CACNA1C: variants seen among roughly 807,000 people sequenced by gnomAD.
The protein encoded by CACNA1C is voltage-dependent L-type calcium channel subunit alpha-1C.
In CACNA1C, 30 loss-of-function variants were observed where a neutral mutation model predicts 229.0. That is an observed-to-expected ratio of 0.13 (90% CI 0.10 to 0.18). The LOEUF (loss-of-function observed/expected upper bound fraction) is 0.18, where lower values mean the gene tolerates loss of function less well. CACNA1C is among the 10% of genes least tolerant of loss of function. CACNA1C has a pLI of 1.00. For missense variants in CACNA1C, 1,658 were observed against 2,845.0 expected (o/e 0.58, Z 9.49); for synonymous variants, 1,114 against 1,132.5 (o/e 0.98, Z 0.33).
intron 4 of CACNA1C, among the ~76,000 whole-genome samples, chr12:2,450,485 C>G (rs1007413780): frequency 7.9e-6 from 1 of 126,178 alleles, no homozygotes; most frequent in Admixed American, 9.9e-5. Context: ...ACCCGGGAGG[C>G]GGAGCTTACA....
chr12:2,081,201 T>C lies in CACNA1C; in HGVS notation c.49+27590T>C, dbSNP rs182988866. Among the ~76,000 whole-genome samples, 5 of 152,310 alleles carry C rather than the reference T, an allele frequency of 3.3e-5. No individual in the cohort carries two copies. The East Asian group carries it at 9.6e-4, about 29-fold the overall frequency. On this transcript the variant is annotated intron_variant, in intron 1 of 46. Transcript: ENST00000399655. Reference sequence around the variant, plus strand: ...CAGACGCCAGAAGACAATGAAATAATATCTTCAAAGTGCTCAGTGAATATC... The same window carrying C: ...CAGACGCCAGAAGACAATGAAATAACATCTTCAAAGTGCTCAGTGAATATC...
At chr12:2,543,234 A>G (rs1043973324) in intron 9 of CACNA1C, among the ~76,000 whole-genome samples, 5 of 152,182 alleles carry the variant, frequency 3.3e-5, no homozygotes, top group Non-Finnish European at 7.3e-5. Context: ...AATAAAGCAT[A>G]TTGTGCCTTA....
Position 2,410,289 on chromosome 12 carries a change from C to G in CACNA1C, c.478-38687C>G, listed in dbSNP as rs2098792655. On this transcript the variant is annotated intron_variant, in intron 3 of 46. Transcript: ENST00000399655. This position sits in a 1 kb window ranked among gnomAD's most constrained non-coding sequence, Gnocchi z 5.3. Reference sequence around the variant, plus strand: ...GGCACCGTTTTAGCAGCCCCACCACCCATTTTTGGAAACACAACCCTGGCC... The same window carrying G: ...GGCACCGTTTTAGCAGCCCCACCACGCATTTTTGGAAACACAACCCTGGCC... 6.6e-6 allele frequency among the ~76,000 whole-genome samples: 1 copy of G among 152,182 alleles called. No individual in the cohort carries two copies. Among genetic ancestry groups the G allele is most frequent in the Admixed American group, 6.5e-5 (1 of 15,288 alleles).
intron 3 of CACNA1C, among the ~76,000 whole-genome samples, chr12:2,330,158 C>T (rs747637268): frequency 2.0e-5 from 3 of 152,136 alleles, no homozygotes; most frequent in Non-Finnish European, 2.9e-5. Flanking sequence ...TGCATCCTCC[C>T]GCCCTCTCAC....
At chr12:1,990,103 C>A (rs772890500) in intron 1 of CACNA1C, among the ~76,000 whole-genome samples, 1 of 152,198 alleles carries the variant, frequency 6.6e-6, no homozygotes, top group East Asian at 1.9e-4. Context: ...TTTCTTGGTT[C>A]AAGTGGTGTT....
At chr12:2,341,777 G>A (rs2096872018) in intron 3 of CACNA1C, among the ~76,000 whole-genome samples, 1 of 152,212 alleles carries the variant, frequency 6.6e-6, no homozygotes, top group Non-Finnish European at 1.5e-5. Flanking sequence ...GTAACTGACT[G>A]GTTGATAAGG....
At chr12:2,081,418 A>G (rs1236196910) in intron 1 of CACNA1C, among the ~76,000 whole-genome samples, 2 of 152,132 alleles carry the variant, frequency 1.3e-5, no homozygotes, top group Non-Finnish European at 2.9e-5. Context: ...AAAAATACAA[A>G]AAATTAGCCG....
chr12:2,023,865 C>T (rs1425557711), intron 1 of CACNA1C, among the ~76,000 whole-genome samples: 1 of 152,208 alleles, frequency 6.6e-6, no homozygotes, highest in Non-Finnish European at 1.5e-5. Context: ...TGTTTTGCTG[C>T]TTAATAGACT....
chr12:2,619,350 C>A (rs553219777), intron 29 of CACNA1C, among the ~76,000 whole-genome samples: 1 of 152,336 alleles, frequency 6.6e-6, no homozygotes, highest in South Asian at 2.1e-4. Flanking sequence ...GGGGAGTTTG[C>A]GCCCAGCCCT....
chr12:2,435,788 G>C (rs2099128716), intron 3 of CACNA1C, among the ~76,000 whole-genome samples: 1 of 152,210 alleles, frequency 6.6e-6, no homozygotes, highest in African/African-American at 2.4e-5. Context: ...GGATAGCACA[G>C]GAAAATCTGC....
intron 3 of CACNA1C, chr12:2,288,081 A>C (rs986773846): frequency 6.6e-6 from 1 of 151,918 alleles, no homozygotes; most frequent in Non-Finnish European, 1.5e-5. Flanking sequence ...CAACTGAATC[A>C]TCAAAGGGAA....
At chr12:2,508,294 G>A (rs55824460) in intron 8 of CACNA1C, among the ~76,000 whole-genome samples, 6,839 of 152,288 alleles carry the variant, frequency 0.045, 168 homozygotes, top group South Asian at 0.097. Context: ...AAGATTGAAC[G>A]GTGCTTGGTG....
rs113124594 is a variant in CACNA1C, at chr12:2,348,255, C to T, written c.478-100721C>T. Among the ~76,000 whole-genome samples, 3 of 152,202 alleles carry T rather than the reference C, an allele frequency of 2.0e-5. No individual in the cohort carries two copies. Among genetic ancestry groups the T allele is most frequent in the Non-Finnish European group, 4.4e-5 (3 of 68,030 alleles). On this transcript the variant is annotated intron_variant, in intron 3 of 46. Coordinates refer to ENST00000399655, the MANE Select transcript of CACNA1C (RefSeq NM_000719.7). The surrounding 1 kb of genome is among the most constrained non-coding windows in gnomAD (Gnocchi z 4.7). Reference sequence around the variant, plus strand: ...GGCCTTCTGCTCACCGGAAGGGGGGCAGGTCTGCAGCCCCTCCCCCACTGC... The same window carrying T: ...GGCCTTCTGCTCACCGGAAGGGGGGTAGGTCTGCAGCCCCTCCCCCACTGC...
chr12:2,498,222 G>A (rs928534843), intron 7 of CACNA1C, among the ~76,000 whole-genome samples: 18 of 152,198 alleles, frequency 1.2e-4, no homozygotes, highest in African/African-American at 4.3e-4. Flanking sequence ...TTCTAAGTGA[G>A]GAGCTGAGAA....
At chr12:2,485,614 C>G (rs1348249834) in intron 5 of CACNA1C, among the ~76,000 whole-genome samples, 2 of 152,186 alleles carry the variant, frequency 1.3e-5, no homozygotes, top group Non-Finnish European at 2.9e-5. Context: ...AGTGTACATT[C>G]AGTGGCACTA....
intron 3 of CACNA1C, among the ~76,000 whole-genome samples, chr12:2,231,544 A>G (rs964598304): frequency 1.3e-5 from 2 of 152,204 alleles, no homozygotes; most frequent in Non-Finnish European, 2.9e-5. Flanking sequence ...GAAGGCAGAG[A>G]CAACAAATGA....
chr12:2,155,003 CTG>C (rs1460065711), intron 3 of CACNA1C, among the ~76,000 whole-genome samples: 3 of 152,164 alleles, frequency 2.0e-5, no homozygotes, highest in East Asian at 1.9e-4. Context: ...CCGTCTATCT[CTG>C]TGTGTTGAGT....
intron 3 of CACNA1C, among the ~76,000 whole-genome samples, chr12:2,238,201 G>T (rs1016467267): frequency 6.6e-6 from 1 of 152,194 alleles, no homozygotes; most frequent in South Asian, 2.1e-4. Flanking sequence ...AACCAATATA[G>T]TTAGTAGGCA....
intron 1 of CACNA1C, among the ~76,000 whole-genome samples, chr12:2,070,225 G>C (rs1485639715): frequency 2.0e-5 from 3 of 152,176 alleles, no homozygotes; most frequent in African/African-American, 7.2e-5. Flanking sequence ...AAAGGACTTT[G>C]GGTCTTAAAG....
Sources: gnomAD v4.1 joint callset for allele counts (sites outside exome capture counted in the v4.1 genomes callset) on GRCh38, gnomAD v4.1.1 for gene constraint, Gnocchi (gnomAD v3.1) non-coding constraint, MANE v1.5 for transcripts, NCBI Gene and HGNC (gene_info 2026-07-23, HGNC 2026-07-21) for gene names.